Variants in PSD3 observed in about 807,000 individuals in gnomAD.
PSD3 encodes the protein PH and SEC7 domain-containing protein 3.
Under a neutral mutation model 105.5 loss-of-function variants are expected in PSD3, and 49 were observed. The observed-to-expected ratio is 0.46, with a 90% confidence interval of 0.37 to 0.59. PSD3 has a LOEUF of 0.59. Among genes scored for constraint, PSD3 ranks in the 20% least tolerant of loss-of-function variants. PSD3 has a pLI of 0.00. For synonymous variants in PSD3, 557 were observed against 457.8 expected, an observed-to-expected ratio of 1.22 and a Z score of -2.77; for missense variants, 1,561 against 1,263.8, an observed-to-expected ratio of 1.24 and a Z score of -3.57.
chr8:18,808,921 T>C, intron 4 of PSD3: 1 of 1,503,940 alleles, frequency 6.6e-7, no homozygotes, highest in Non-Finnish European at 8.8e-7. Flanking sequence ...CACACTACTA[T>C]GACCTCACAT....
At chr8:18,671,701 C>G (rs576428141) in intron 9 of PSD3, among the ~76,000 whole-genome samples, 87 of 151,850 alleles carry the variant, frequency 5.7e-4, no homozygotes, top group Middle Eastern at 3.4e-3. Flanking sequence ...GCGCGATCTC[C>G]GCTCACTGCA....
intron 11 of PSD3, among the ~76,000 whole-genome samples, chr8:18,606,668 G>A (rs898682933): frequency 2.6e-5 from 4 of 152,098 alleles, no homozygotes; most frequent in Non-Finnish European, 5.9e-5. Flanking sequence ...AGAACAAGGA[G>A]AGAAACTGGA....
chr8:18,879,868 G>A (rs1447625142), intron 2 of PSD3, among the ~76,000 whole-genome samples: 1 of 152,090 alleles, frequency 6.6e-6, no homozygotes, highest in Non-Finnish European at 1.5e-5. Context: ...CAAAGTGCTG[G>A]GATTACGGCG....
chr8:18,560,213 C>CA (rs778554137), intron 14 of PSD3, among the ~76,000 whole-genome samples: 3 of 145,784 alleles, frequency 2.1e-5, no homozygotes, highest in African/African-American at 7.6e-5. Flanking sequence ...CACACACAAA[C>CA]AAAAAAACAA....
intron 1 of PSD3, among the ~76,000 whole-genome samples, chr8:18,997,776 AC>A (rs1256338819): frequency 4.7e-5 from 3 of 63,910 alleles, no homozygotes; most frequent in Non-Finnish European, 3.4e-5. Context: ...CGGTGCACTT[AC>A]CTTCCTTCTT....
intron 8 of PSD3, among the ~76,000 whole-genome samples, chr8:18,776,210 T>C (rs1213688806): frequency 4.7e-5 from 7 of 149,954 alleles, no homozygotes; most frequent in African/African-American, 1.7e-4. Context: ...ATGTGTCTAT[T>C]TCCATGCCAG....
chr8:18,576,036 C>G (rs1010378102), intron 12 of PSD3, among the ~76,000 whole-genome samples: 1 of 152,110 alleles, frequency 6.6e-6, no homozygotes, highest in African/African-American at 2.4e-5. Context: ...AACACACACA[C>G]CACATCACCT....
intron 8 of PSD3, among the ~76,000 whole-genome samples, chr8:18,767,087 C>T (rs537565517): frequency 5.9e-5 from 9 of 152,250 alleles, no homozygotes; most frequent in Non-Finnish European, 1.5e-5. Flanking sequence ...GTTCGCAAAA[C>T]GTACAGGAAA....
intron 9 of PSD3, among the ~76,000 whole-genome samples, chr8:18,732,647 G>A (rs1037222413): frequency 1.3e-5 from 2 of 152,120 alleles, no homozygotes; most frequent in Admixed American, 6.5e-5. Context: ...TGGTGGCTCC[G>A]AAACTGCCAG....
chr8:19,030,319 T>C (rs1326271498), intron 1 of PSD3, among the ~76,000 whole-genome samples: 14 of 152,220 alleles, frequency 9.2e-5, no homozygotes, highest in Admixed American at 9.2e-4. Flanking sequence ...AGATAAACCC[T>C]ATTTGATCAT....
At chr8:18,562,094 C>T (rs550137562) in intron 14 of PSD3, among the ~76,000 whole-genome samples, 1 of 152,146 alleles carries the variant, frequency 6.6e-6, no homozygotes, top group Non-Finnish European at 1.5e-5. Flanking sequence ...CAGAGAGAAT[C>T]GGGAAACAGA....
At chr8:18,835,888 C>A (rs912136141) in intron 4 of PSD3, among the ~76,000 whole-genome samples, 10 of 150,608 alleles carry the variant, frequency 6.6e-5, no homozygotes, top group African/African-American at 2.4e-4. Flanking sequence ...GATGGGGGGG[C>A]GGATCGTGTA....
At chr8:18,814,775 A>C (rs1468746807) in intron 4 of PSD3, among the ~76,000 whole-genome samples, 2 of 152,132 alleles carry the variant, frequency 1.3e-5, no homozygotes, top group African/African-American at 4.8e-5. Flanking sequence ...TGACTCACTT[A>C]CAGTCTGACC....
intron 1 of PSD3, among the ~76,000 whole-genome samples, chr8:18,937,242 G>C (rs143877863): frequency 6.6e-6 from 1 of 152,144 alleles, no homozygotes. Context: ...AGTCAGGGAC[G>C]CCTTCTTTTG....
At chr8:19,083,071 T>C (rs1226775542) in intron 1 of PSD3, among the ~76,000 whole-genome samples, 1 of 152,146 alleles carries the variant, frequency 6.6e-6, no homozygotes, top group Non-Finnish European at 1.5e-5. Flanking sequence ...TGCCAGATGC[T>C]GTGAATTTCA....
intron 13 of PSD3, among the ~76,000 whole-genome samples, chr8:18,573,851 A>C (rs765875053): frequency 6.6e-6 from 1 of 152,180 alleles, no homozygotes; most frequent in African/African-American, 2.4e-5. Flanking sequence ...AAATGATTCA[A>C]AACTAGATTG....
intron 4 of PSD3, among the ~76,000 whole-genome samples, chr8:18,847,599 C>G (rs993566246): frequency 6.6e-6 from 1 of 152,160 alleles, no homozygotes; most frequent in African/African-American, 2.4e-5. Flanking sequence ...TTCGTACCGT[C>G]AAGTAATGAG....
rs75015529 is a variant in PSD3, at chr8:19,028,363, T to A, written c.324+55843A>T. On this transcript the variant is annotated intron_variant, in intron 1 of 1. Coordinates refer to the PSD3 transcript ENST00000521475. ...GTGTAGATTGTGAAGCCAATCTACC[T>A]TTTTTTGGAGTTGGAGTCTCTCTCT... Among the ~76,000 whole-genome samples the A allele has an allele frequency of 8.8e-3, 1,242 of 140,984 alleles. 24 individuals carry two copies. The highest frequency in any genetic ancestry group is 0.031 in the African/African-American group (1,183 of 38,196). 92.5% of individuals were successfully genotyped at this position (140,984 alleles called of 152,430 possible).
At chr8:18,583,814 A>C (rs1212119338) in intron 12 of PSD3, among the ~76,000 whole-genome samples, 2 of 152,168 alleles carry the variant, frequency 1.3e-5, no homozygotes, top group African/African-American at 2.4e-5. Flanking sequence ...ATTTCTTCAG[A>C]ATGAAGAAGA....
Sources: gnomAD v4.1 joint callset for allele counts (sites outside exome capture counted in the v4.1 genomes callset) on GRCh38, gnomAD v4.1.1 for gene constraint, MANE v1.5 for transcripts, NCBI Gene and HGNC (gene_info 2026-07-23, HGNC 2026-07-21) for gene names.